Variants in MECOM observed in about 807,000 individuals in gnomAD.
The protein encoded by MECOM is histone-lysine N-methyltransferase MECOM.
Under a neutral mutation model 116.3 loss-of-function variants are expected in MECOM, and 13 were observed. The ratio of observed to expected loss-of-function variants is 0.11; its 90% CI spans 0.07 to 0.18. MECOM has a LOEUF of 0.18. MECOM is among the 10% of genes least tolerant of loss of function. The probability of loss-of-function intolerance (pLI) is 1.00; values close to 1 mark genes in which losing one functional copy is unlikely to be tolerated. For synonymous variants in MECOM, 528 were observed against 535.2 expected (o/e 0.99, Z 0.19); for missense variants, 1,299 against 1,509.0 (o/e 0.86, Z 2.31).
chr3:169,514,416 A>C (rs1174656956), intron 1 of MECOM, among the ~76,000 whole-genome samples: 9 of 152,138 alleles, frequency 5.9e-5, no homozygotes, highest in Non-Finnish European at 1.3e-4. Context: ...CGGCGACTAA[A>C]AGGTTTTTGG....
chr3:169,237,610 C>CAAAAA (rs775383808), intron 2 of MECOM, among the ~76,000 whole-genome samples: 5 of 80,646 alleles, frequency 6.2e-5, no homozygotes, highest in Admixed American at 1.4e-4. Flanking sequence ...GTCTCCATCA[C>CAAAAA]AAAAAAAAAA....
intron 1 of MECOM, among the ~76,000 whole-genome samples, chr3:169,551,649 CT>C (rs1761418644): frequency 6.6e-6 from 1 of 152,150 alleles, no homozygotes; most frequent in South Asian, 2.1e-4. Flanking sequence ...CACTTTGGCA[CT>C]TTTTCAAAAA....
intron 1 of MECOM, among the ~76,000 whole-genome samples, chr3:169,385,419 C>T (rs776199513): frequency 6.6e-6 from 1 of 151,826 alleles, no homozygotes; most frequent in Non-Finnish European, 1.5e-5. Context: ...TATGCAAGCA[C>T]TAAATATATA....
chr3:169,095,351 T>TAAAGA (rs1214183093), intron 12 of MECOM, 106 bp from the exon 13 acceptor site: 2 of 895,056 alleles, frequency 2.2e-6, no homozygotes, highest in Non-Finnish European at 3.3e-6. Flanking sequence ...AACAACATTT[T>TAAAGA]AAAGAAAAGG....
intron 2 of MECOM, among the ~76,000 whole-genome samples, chr3:169,166,615 G>A (rs1383263941): frequency 6.6e-6 from 1 of 151,816 alleles, no homozygotes; most frequent in East Asian, 1.9e-4. Flanking sequence ...AACAGAGACA[G>A]AATATTGTTA....
chr3:169,639,734 T>C (rs1324622264), intron 1 of MECOM, among the ~76,000 whole-genome samples: 2 of 152,188 alleles, frequency 1.3e-5, no homozygotes, highest in Non-Finnish European at 2.9e-5. Flanking sequence ...AATTCACAGT[T>C]CACAAAACCC....
chr3:169,433,085 G>A (rs1918971), intron 1 of MECOM, among the ~76,000 whole-genome samples: 3 of 152,188 alleles, frequency 2.0e-5, no homozygotes, highest in African/African-American at 7.2e-5. Context: ...AAAGTTTATA[G>A]AAACGGTGAG....
chr3:169,573,782 A>G (rs1764190530), intron 1 of MECOM, among the ~76,000 whole-genome samples: 1 of 152,198 alleles, frequency 6.6e-6, no homozygotes, highest in Non-Finnish European at 1.5e-5. Flanking sequence ...AGTTTTTCCT[A>G]TGGAAGATTT....
chr3:169,421,316 A>C (rs1311268077), intron 1 of MECOM, among the ~76,000 whole-genome samples: 1 of 152,134 alleles, frequency 6.6e-6, no homozygotes, highest in East Asian at 1.9e-4. Flanking sequence ...TACATGCTAG[A>C]ATTTAGCAGA....
At chr3:169,635,373 C>T (rs1449663996) in intron 1 of MECOM, among the ~76,000 whole-genome samples, 1 of 152,212 alleles carries the variant, frequency 6.6e-6, no homozygotes, top group Non-Finnish European at 1.5e-5. Context: ...CTTCCCATTG[C>T]CTACCGAGGT....
rs1241881904 is a variant in MECOM at position 169,485,985 on chromosome 3, G to A, written c.38-104461C>T. Among the ~76,000 whole-genome samples the A allele has an allele frequency of 6.4e-4, 34 of 53,260 alleles. 1 individual carries two copies. The highest frequency in any genetic ancestry group is 2.1e-3 in the African/African-American group (24 of 11,238). 34.9% of individuals were successfully genotyped at this position (53,260 alleles called of 152,430 possible). On this transcript the variant is annotated intron_variant, in intron 1 of 16. Coordinates refer to ENST00000651503, the MANE Select transcript of MECOM (RefSeq NM_004991.4). ...TATACTATATATACATATATATATA[G>A]TATATATATGTATATATATACTATA...
At chr3:169,644,756 T>A (rs1313927061) in intron 1 of MECOM, among the ~76,000 whole-genome samples, 1 of 152,190 alleles carries the variant, frequency 6.6e-6, no homozygotes, top group Non-Finnish European at 1.5e-5. Context: ...GCAATTAGAT[T>A]AAACAGCATT....
intron 2 of MECOM, among the ~76,000 whole-genome samples, chr3:169,342,743 CA>C (rs1001060939): frequency 6.6e-6 from 1 of 152,044 alleles, no homozygotes; most frequent in African/African-American, 2.4e-5. Flanking sequence ...TATTTCTTCC[CA>C]ATATGGTTTG....
At chr3:169,602,489 C>T (rs1767949642) in intron 1 of MECOM, among the ~76,000 whole-genome samples, 1 of 152,134 alleles carries the variant, frequency 6.6e-6, no homozygotes, top group African/African-American at 2.4e-5. Flanking sequence ...CATTTTGGCC[C>T]AGGCGATTCT....
At chr3:169,387,621 T>A (rs1016077410) in intron 1 of MECOM, among the ~76,000 whole-genome samples, 1 of 152,234 alleles carries the variant, frequency 6.6e-6, no homozygotes, top group Admixed American at 6.5e-5. Flanking sequence ...CATATATACA[T>A]ACTTTGACTA....
chr3:169,450,392 G>T (rs1285675220), intron 1 of MECOM, among the ~76,000 whole-genome samples: 1 of 152,058 alleles, frequency 6.6e-6, no homozygotes, highest in African/African-American at 2.4e-5. Context: ...AAAAGTTCTT[G>T]TTATTTTTTT....
intron 1 of MECOM, among the ~76,000 whole-genome samples, chr3:169,417,550 T>C (rs367869714): frequency 1.1e-4 from 16 of 151,860 alleles, no homozygotes; most frequent in Non-Finnish European, 1.9e-4. Context: ...GTCAGTGTGG[T>C]GATTCCTCAG....
intron 1 of MECOM, among the ~76,000 whole-genome samples, chr3:169,662,387 C>A (rs117251531): frequency 6.6e-6 from 1 of 152,152 alleles, no homozygotes; most frequent in Non-Finnish European, 1.5e-5. Context: ...CCGAGGTGCG[C>A]GGGTCGCAGC....
chr3:169,290,059 C>G (rs1049259850), intron 2 of MECOM, among the ~76,000 whole-genome samples: 2 of 152,094 alleles, frequency 1.3e-5, no homozygotes, highest in Non-Finnish European at 2.9e-5. Context: ...AAGCCGACAA[C>G]AGTAACCTTA....
Sources: allele counts gnomAD v4.1 joint callset (sites outside exome capture counted in the v4.1 genomes callset), GRCh38; gene constraint gnomAD v4.1.1; transcripts MANE v1.5; gene names NCBI Gene and HGNC (gene_info 2026-07-23, HGNC 2026-07-21).